The following NLGN1 variants were observed in gnomAD, a reference collection of about 807,000 sequenced individuals.
The protein encoded by NLGN1 is neuroligin-1.
NLGN1 carries 12 observed loss-of-function variants against 65.5 expected under a neutral mutation model. The observed-to-expected ratio is 0.18, with a 90% CI of 0.12 to 0.30. The LOEUF (loss-of-function observed/expected upper bound fraction) is 0.30. Ranked by LOEUF, NLGN1 falls within the 10% of genes least tolerant of loss-of-function variation. The pLI, the probability that NLGN1 is intolerant of heterozygous loss-of-function variation, is 1.00. For synonymous variants in NLGN1, 350 were observed against 359.5 expected, an observed-to-expected ratio of 0.97 and a Z score of 0.30; for missense variants, 750 against 1,007.1, an observed-to-expected ratio of 0.74 and a Z score of 3.46.
intron 4 of NLGN1, among the ~76,000 whole-genome samples, chr3:174,107,015 C>CGCAG (rs1553934866): frequency 2.9e-4 from 19 of 65,436 alleles, no homozygotes; most frequent in Non-Finnish European, 3.5e-4. Flanking sequence ...CACACACACA[C>CGCAG]ACAGAGAGAG....
At chr3:173,440,879 A>T (rs1455970362) in intron 2 of NLGN1, among the ~76,000 whole-genome samples, 2 of 152,154 alleles carry the variant, frequency 1.3e-5, no homozygotes, top group South Asian at 4.1e-4. Flanking sequence ...CCAGACATTG[A>T]CTTCTCTCTA....
chr3:173,453,241 A>G (rs540051421), intron 2 of NLGN1, among the ~76,000 whole-genome samples: 46 of 152,024 alleles, frequency 3.0e-4, no homozygotes, highest in African/African-American at 1.1e-3. Context: ...GTGTATACCA[A>G]TACACCTGGC....
At chr3:173,937,477 T>A (rs1037183314) in intron 4 of NLGN1, among the ~76,000 whole-genome samples, 2 of 152,090 alleles carry the variant, frequency 1.3e-5, no homozygotes, top group African/African-American at 4.8e-5. Flanking sequence ...AAAGAATAGG[T>A]GTAACTTGAT....
chr3:173,916,323 A>G (rs914408722), intron 4 of NLGN1, among the ~76,000 whole-genome samples: 1 of 152,160 alleles, frequency 6.6e-6, no homozygotes, highest in African/African-American at 2.4e-5. Context: ...TTGGTAAAAC[A>G]TTATCTATGG....
At chr3:173,740,610 A>G (rs1462971572) in intron 3 of NLGN1, among the ~76,000 whole-genome samples, 1 of 152,112 alleles carries the variant, frequency 6.6e-6, no homozygotes, top group Non-Finnish European at 1.5e-5. Context: ...AAAAATTTGA[A>G]GAAAGGAGTA....
intron 4 of NLGN1, among the ~76,000 whole-genome samples, chr3:174,225,569 A>C (rs2152810354): frequency 6.6e-6 from 1 of 152,188 alleles, no homozygotes; most frequent in South Asian, 2.1e-4. Context: ...ATCTCTACTA[A>C]AAATACAAAA....
chr3:173,641,788 G>A (rs1177560457), intron 3 of NLGN1, among the ~76,000 whole-genome samples: 1 of 152,200 alleles, frequency 6.6e-6, no homozygotes, highest in East Asian at 1.9e-4. Context: ...GCTAGAGCCT[G>A]TGAAGCAAAT....
chr3:173,530,341 T>A (rs931698592), intron 2 of NLGN1, among the ~76,000 whole-genome samples: 2 of 152,156 alleles, frequency 1.3e-5, no homozygotes, highest in Admixed American at 6.5e-5. Context: ...GATCCCCATT[T>A]GGTCAATGAG....
At chr3:173,701,670 ACT>A (rs1221408984) in intron 3 of NLGN1, among the ~76,000 whole-genome samples, 1 of 152,192 alleles carries the variant, frequency 6.6e-6, no homozygotes, top group Non-Finnish European at 1.5e-5. Flanking sequence ...TAAATACAAA[ACT>A]CTGAGGTTTG....
intron 5 of NLGN1, among the ~76,000 whole-genome samples, 181 bp from the exon 6 acceptor site, chr3:174,278,680 T>C (rs952691904): frequency 6.6e-6 from 1 of 151,956 alleles, no homozygotes; most frequent in African/African-American, 2.4e-5. Context: ...TAGATCCACC[T>C]CTCTAATCCA....
chr3:173,808,209 T>C (rs1717087663), intron 4 of NLGN1, among the ~76,000 whole-genome samples: 1 of 152,178 alleles, frequency 6.6e-6, no homozygotes, highest in Non-Finnish European at 1.5e-5. Context: ...CATTCTCTTC[T>C]GGAGTATGTA....
At chr3:173,581,684 A>G (rs1295711869) in intron 2 of NLGN1, among the ~76,000 whole-genome samples, 2 of 152,014 alleles carry the variant, frequency 1.3e-5, no homozygotes, top group African/African-American at 2.4e-5. Context: ...ATTTAGTAGT[A>G]CAGTTTTTTA....
chr3:173,639,628 A>G (rs1443336356), intron 3 of NLGN1, among the ~76,000 whole-genome samples: 1 of 152,308 alleles, frequency 6.6e-6, no homozygotes, highest in East Asian at 1.9e-4. Flanking sequence ...AGACTTAGCA[A>G]TTGTTTTGGA....
chr3:173,495,680 G>GA (rs5854510), intron 2 of NLGN1, among the ~76,000 whole-genome samples: 30,329 of 130,122 alleles, frequency 0.23, 4,841 homozygotes, highest in African/African-American at 0.45. Context: ...AGTCTTTTTT[G>GA]AAAAAAAAAA....
At chr3:173,989,784 C>T (rs887864523) in intron 4 of NLGN1, among the ~76,000 whole-genome samples, 6 of 152,132 alleles carry the variant, frequency 3.9e-5, no homozygotes, top group Admixed American at 3.9e-4. Context: ...ATTTTGGCTT[C>T]GGTGTTGATG....
chr3:173,525,270 G>T (rs35576000), intron 2 of NLGN1, among the ~76,000 whole-genome samples: 57,151 of 151,688 alleles, frequency 0.38, 12,738 homozygotes, highest in East Asian at 0.82. Context: ...GTTGGAAGAT[G>T]TTTTATTACT....
chr3:174,254,300 T>A (rs1014460621), intron 4 of NLGN1, among the ~76,000 whole-genome samples: 2 of 128,522 alleles, frequency 1.6e-5, no homozygotes, highest in Non-Finnish European at 3.2e-5. Context: ...GGAAAAGTCC[T>A]TTTTAATTTT....
At chr3:173,541,824 T>G (rs756855989) in intron 2 of NLGN1, among the ~76,000 whole-genome samples, 2 of 152,124 alleles carry the variant, frequency 1.3e-5, no homozygotes, top group Non-Finnish European at 2.9e-5. Flanking sequence ...ACCTATTTGT[T>G]TCTCTTTAAA....
At chr3:173,660,822 A>G (rs1203035815) in intron 3 of NLGN1, among the ~76,000 whole-genome samples, 2 of 151,986 alleles carry the variant, frequency 1.3e-5, no homozygotes, top group African/African-American at 2.4e-5. Context: ...TATTTTATCT[A>G]AGTGTTCCCA....
Sources: gnomAD v4.1 joint callset for allele counts (sites outside exome capture counted in the v4.1 genomes callset) on GRCh38, gnomAD v4.1.1 for gene constraint, MANE v1.5 for transcripts, NCBI Gene and HGNC (gene_info 2026-07-23, HGNC 2026-07-21) for gene names.